Variants in ZNF501 observed in about 807,000 individuals in gnomAD.
ZNF501 encodes the protein zinc finger protein 501, also known as zinc finger protein 52.
ZNF501 carries 7 observed loss-of-function variants against 5.7 expected under a neutral mutation model. That is an observed-to-expected ratio of 1.24 (90% confidence interval 0.70 to 2.32). ZNF501 has a LOEUF of 2.32. ZNF501 is among the 30% of genes most tolerant of loss of function. The probability of loss-of-function intolerance (pLI) is 0.00; values close to 1 mark genes in which losing one functional copy is unlikely to be tolerated. For missense variants in ZNF501, 352 were observed against 321.1 expected (o/e 1.10, Z -0.73); for synonymous variants, 107 against 101.9 (o/e 1.05, Z -0.30).
At chr3:44,732,002 C>T (rs1704622912) in intron 2 of ZNF501, 1 of 152,164 alleles carries the variant, frequency 6.6e-6, no homozygotes, top group Non-Finnish European at 1.5e-5. Flanking sequence ...AGAACAAGAG[C>T]TTAAGTTATT....
intron 2 of ZNF501, 39 bp from the exon 3 acceptor site, chr3:44,734,158 A>G (rs763644000): frequency 9.0e-5 from 31 of 342,744 alleles, no homozygotes; most frequent in African/African-American, 1.9e-4. Context: ...ATGGAATTTT[A>G]TAGAATTCCT....
In ZNF501 at chr3:44,734,797, C is replaced by T. The variant is rs771207182; in HGVS notation, c.376C>T (p.Arg126Ter). ...GAGCCCATCCCTTATTAAACACCAG[C>T]GAATTCATACTGGAGAGAAACCATA... ...CQSPSLIKHQ[R>*]IHTGEKPYKC... Residue 126 changes from arginine (R) to a stop codon, truncating the protein, a stop_gained, in exon 3 of 3, where the codon CGA becomes TGA. Coordinates refer to ENST00000620116, the MANE Select transcript of ZNF501 (RefSeq NM_001258280.2). LOFTEE classifies it low-confidence loss of function (END_TRUNC). 1.9e-5 allele frequency: 30 copies of T among 1,613,700 alleles called. No homozygotes were observed. The highest frequency in any genetic ancestry group is 6.7e-5 in the Admixed American group (4 of 59,990).
intron 2 of ZNF501, among the ~76,000 whole-genome samples, chr3:44,733,503 G>T (rs1704646045): frequency 6.6e-6 from 1 of 152,120 alleles, no homozygotes; most frequent in Non-Finnish European, 1.5e-5. Flanking sequence ...GTTTTTCATT[G>T]TAAATAAATG....
chr3:44,730,740 C>T (rs2125873043), intron 1 of ZNF501, among the ~76,000 whole-genome samples: 1 of 152,288 alleles, frequency 6.6e-6, no homozygotes, highest in African/African-American at 2.4e-5. Flanking sequence ...TTGTTATTTT[C>T]GAGAAATTCC....
chr3:44,733,567 A>G (rs557679871), intron 2 of ZNF501, among the ~76,000 whole-genome samples: 1 of 152,210 alleles, frequency 6.6e-6, no homozygotes, highest in African/African-American at 2.4e-5. Context: ...AGTATATTTC[A>G]GATTTCTTTG....
At position 44,729,769 on chromosome 3, in the gene ZNF501, C is replaced by T. The variant is rs892015431; in HGVS notation, c.-557C>T. 4 of 152,342 alleles carry T rather than the reference C, an allele frequency of 2.6e-5. No individual in the cohort carries two copies. Among genetic ancestry groups the T allele is most frequent in the Non-Finnish European group, 4.4e-5 (3 of 68,120 alleles). 9.4% of individuals were successfully genotyped at this position (152,342 alleles called of 1,614,324 possible). ...CGGCTGCCGCGGGTCGATTCCAGCT[C>T]CTCCCTCGGGAAGCAGGGCGTTTTT... On this transcript the variant is annotated 5_prime_UTR_variant, in exon 1 of 3. Transcript: ENST00000620116.
At chr3:44,733,792 AAGAG>A (rs1203327961) in intron 2 of ZNF501, among the ~76,000 whole-genome samples, 3 of 152,344 alleles carry the variant, frequency 2.0e-5, no homozygotes, top group South Asian at 2.1e-4. Context: ...TTTGGAGAGA[AAGAG>A]AGATCCAATG....
At position 44,737,036 on chromosome 3, in the gene ZNF501, C is replaced by T. The variant is rs1443757690; in HGVS notation, c.*1799C>T. ...GTCCATTTTTTAAAGACTAAACCATCTCACAGATTGTTCTGTATCAGTAAA... is the reference window on the plus strand; with the variant it reads ...GTCCATTTTTTAAAGACTAAACCATTTCACAGATTGTTCTGTATCAGTAAA... On this transcript the variant is annotated 3_prime_UTR_variant, in exon 3 of 3. Transcript: ENST00000620116. 1 of 166,870 alleles carries T rather than the reference C, an allele frequency of 6.0e-6. No individual in the cohort carries two copies. 10.3% of individuals were successfully genotyped at this position (166,870 alleles called of 1,614,324 possible).
rs375032140 is a variant in ZNF501, at chr3:44,734,445, C to G, written c.24C>G (p.Leu8=). Residue 8 remains leucine, a synonymous_variant, in exon 3 of 3, where the codon CTC becomes CTG. Coordinates refer to ENST00000620116, the MANE Select transcript of ZNF501 (RefSeq NM_001258280.2). The part of the protein sequence containing the change: MNSSQIS[L]RMKHGRVNMQ... Reference sequence around the variant, plus strand: ...GCATGAATTCCAGCCAAATATCACTCAGAATGAAACATGGGAGAGTTAACA... The same window carrying G: ...GCATGAATTCCAGCCAAATATCACTGAGAATGAAACATGGGAGAGTTAACA... The G allele has an allele frequency of 4.2e-5, 67 of 1,612,072 alleles. No homozygotes were observed. The Admixed American group carries it at 1.0e-3, about 24-fold the overall frequency.
At chr3:44,733,449 A>G (rs1371678355) in intron 2 of ZNF501, among the ~76,000 whole-genome samples, 1 of 152,252 alleles carries the variant, frequency 6.6e-6, no homozygotes, top group East Asian at 1.9e-4. Flanking sequence ...CTGTTTTTCT[A>G]AAGTCCAGAG....
intron 2 of ZNF501, chr3:44,731,805 C>T (rs1416855180): frequency 1.3e-5 from 2 of 152,182 alleles, no homozygotes; most frequent in East Asian, 1.9e-4. Flanking sequence ...TATCAGAGTA[C>T]CTGAACTGAA....
In ZNF501 at chr3:44,735,382, G is replaced by C. The variant is rs1459554278; in HGVS notation, c.*145G>C. ...AAATGTTGTGTCCTAATGTGTCCTA[G>C]TCTGGAGTTTGATGCCTTATCTGCT... On this transcript the variant is annotated 3_prime_UTR_variant, in exon 3 of 3. Coordinates refer to ENST00000620116, the MANE Select transcript of ZNF501 (RefSeq NM_001258280.2). The C allele has an allele frequency of 4.0e-6, 3 of 756,130 alleles. No homozygotes were observed. Among genetic ancestry groups the C allele is most frequent in the Admixed American group, 3.1e-5 (1 of 32,558 alleles). 46.8% of individuals were successfully genotyped at this position (756,130 alleles called of 1,614,324 possible).
chr3:44,733,359 T>C (rs999466863), intron 2 of ZNF501, among the ~76,000 whole-genome samples: 1 of 152,222 alleles, frequency 6.6e-6, no homozygotes, highest in African/African-American at 2.4e-5. Flanking sequence ...CATTTAGTTA[T>C]GATCAATTAA....
rs777723050 is a variant in ZNF501, at chr3:44,735,281, C to CT, written c.*52dup. ...TATGGGAAGATTTGTATGGAAGCAC[C>CT]TTTTTTTTCTCCTAAATTCCTAGGA... On this transcript the variant is annotated 3_prime_UTR_variant, in exon 3 of 3. Coordinates refer to ENST00000620116, the MANE Select transcript of ZNF501 (RefSeq NM_001258280.2). The CT allele has an allele frequency of 5.2e-5, 75 of 1,455,400 alleles. No homozygotes were observed. Among genetic ancestry groups the CT allele is most frequent in the South Asian group, 7.0e-5 (5 of 71,118 alleles). 90.2% of individuals were successfully genotyped at this position (1,455,400 alleles called of 1,614,324 possible). A position where few individuals can be genotyped will look rare whatever the true frequency, so the allele number is the denominator to read the frequency against.
At chr3:44,731,958 T>C (rs1704622142) in intron 2 of ZNF501, 2 of 152,232 alleles carry the variant, frequency 1.3e-5, no homozygotes, top group African/African-American at 4.8e-5. Flanking sequence ...AGGTATTTCC[T>C]CAGAGAATAT....
rs1225507815 is a variant in ZNF501 at position 44,736,786 on chromosome 3, T to C, written c.*1549T>C. On this transcript the variant is annotated 3_prime_UTR_variant, in exon 3 of 3. Coordinates refer to ENST00000620116, the MANE Select transcript of ZNF501 (RefSeq NM_001258280.2). ...TGCCATCTGTATAGCTTTGGTGAGG[T>C]ATCTGTTAGAGGTTTTGCCCATTTT... is the stretch of plus-strand genomic sequence containing the variant. 6.0e-6 allele frequency: 1 copy of C among 167,064 alleles called. No homozygotes were observed. The highest frequency in any genetic ancestry group is 6.5e-5 in the Admixed American group (1 of 15,288). The allele number at this position is 167,064 out of a possible 1,614,324, so 10.3% of individuals were successfully genotyped here.
chr3:44,730,353 A>G (rs1704592185), intron 1 of ZNF501, among the ~76,000 whole-genome samples: 1 of 152,250 alleles, frequency 6.6e-6, no homozygotes, highest in Non-Finnish European at 1.5e-5. Flanking sequence ...ATCAGACTAG[A>G]AAGTCCTACA....
At chr3:44,732,584 G>C (rs1559505633) in intron 2 of ZNF501, among the ~76,000 whole-genome samples, 1 of 152,302 alleles carries the variant, frequency 6.6e-6, no homozygotes, top group South Asian at 2.1e-4. Context: ...AGATATAGCA[G>C]TGTGTATCAT....
At position 44,734,859 on chromosome 3, in the gene ZNF501, C is replaced by A; in HGVS notation, c.438C>A (p.Ser146Arg). ...CTECGKAFSQ[S>R]ICLTRHQRSH... ...AATGTGGCAAAGCCTTCAGTCAGAGCATATGCCTTACTCGTCATCAGAGAA... is the reference window on the plus strand; with the variant it reads ...AATGTGGCAAAGCCTTCAGTCAGAGAATATGCCTTACTCGTCATCAGAGAA... The change falls in exon 3 of 3, where the codon AGC becomes AGA. Residue 146 changes from serine to arginine, a missense_variant. Ser to Arg is a moderately radical substitution (Grantham distance 110). Transcript: ENST00000620116. 6.2e-7 allele frequency: 1 copy of A among 1,613,824 alleles called. No homozygotes were observed. Among genetic ancestry groups the A allele is most frequent in the Non-Finnish European group, 8.5e-7 (1 of 1,180,012 alleles).
Sources: gnomAD v4.1 joint callset for allele counts (sites outside exome capture counted in the v4.1 genomes callset) on GRCh38, gnomAD v4.1.1 for gene constraint, MANE v1.5 for transcripts, NCBI Gene and HGNC (gene_info 2026-07-23, HGNC 2026-07-21) for gene names.